The following ECE1 variants were observed in gnomAD, a reference collection of about 807,000 sequenced individuals.
The protein encoded by ECE1 is endothelin converting enzyme 1.
A neutral mutation model predicts 98.6 loss-of-function variants in ECE1; 35 were observed. That is an observed-to-expected ratio of 0.35 (90% CI 0.27 to 0.47). The LOEUF (loss-of-function observed/expected upper bound fraction) is 0.47. ECE1 is among the 20% of genes least tolerant of loss of function. The pLI is 1.00. For synonymous variants in ECE1, 394 were observed against 407.1 expected (o/e 0.97, Z 0.39); for missense variants, 814 against 1,025.3 (o/e 0.79, Z 2.81).
rs539327494 is a variant in ECE1, at chr1:21,284,225, G to A, written c.139-4893C>T. Among the ~76,000 whole-genome samples, 5 of 152,302 alleles carry A rather than the reference G, an allele frequency of 3.3e-5. No homozygotes were observed. In the South Asian group the frequency reaches 6.2e-4, roughly 19 times the overall value. ...TGGGGAGATGTGACTGGTTTCTTACGTTTCTTTTGGAAATGAGGTCCCGTC... is the reference window on the plus strand; with the variant it reads ...TGGGGAGATGTGACTGGTTTCTTACATTTCTTTTGGAAATGAGGTCCCGTC... On this transcript the variant is annotated intron_variant, in intron 2 of 18. Coordinates refer to ENST00000374893, the MANE Select transcript of ECE1 (RefSeq NM_001397.3).
At chr1:21,255,466 G>A (rs1168108379) in intron 8 of ECE1, among the ~76,000 whole-genome samples, 2 of 152,210 alleles carry the variant, frequency 1.3e-5, no homozygotes, top group African/African-American at 4.8e-5. Flanking sequence ...CAGATCTAAC[G>A]CCCTGTTGTA....
intron 1 of ECE1, among the ~76,000 whole-genome samples, chr1:21,344,508 G>A (rs1330900385): frequency 4.6e-5 from 7 of 152,214 alleles, no homozygotes; most frequent in Admixed American, 1.3e-4. Flanking sequence ...GCCGGCACCC[G>A]GCCCTGGACA....
intron 1 of ECE1, among the ~76,000 whole-genome samples, chr1:21,344,734 G>A (rs1434642813): frequency 6.6e-6 from 1 of 152,186 alleles, no homozygotes; most frequent in Non-Finnish European, 1.5e-5. Context: ...ACCCATCACC[G>A]GGAGATGCTG....
chr1:21,232,902 C>T (rs1224973763), intron 14 of ECE1, among the ~76,000 whole-genome samples: 2 of 152,058 alleles, frequency 1.3e-5, no homozygotes, highest in Non-Finnish European at 2.9e-5. Context: ...TGGTCTCAAA[C>T]TCCTGGGTTC....
At chr1:21,245,920 T>G (rs917308729) in intron 9 of ECE1, among the ~76,000 whole-genome samples, 1 of 152,108 alleles carries the variant, frequency 6.6e-6, no homozygotes, top group Non-Finnish European at 1.5e-5. Context: ...CCCCATGCTT[T>G]CTCTCTACAT....
At chr1:21,312,830 A>T (rs1489852997) in intron 1 of ECE1, among the ~76,000 whole-genome samples, 1 of 152,042 alleles carries the variant, frequency 6.6e-6, no homozygotes, top group Non-Finnish European at 1.5e-5. Context: ...GTTTATCATT[A>T]AAAAAACAAA....
intron 14 of ECE1, among the ~76,000 whole-genome samples, chr1:21,229,181 CTT>C (rs961580678): frequency 6.9e-6 from 1 of 145,906 alleles, no homozygotes; most frequent in East Asian, 2.0e-4. Flanking sequence ...GAATACAAGA[CTT>C]TTTTTTTTTT....
At position 21,233,430 on chromosome 1, in the gene ECE1, A is replaced by G. The variant is rs1291702309; in HGVS notation, c.1670+128T>C. On this transcript the variant is annotated intron_variant, in intron 14 of 18. Coordinates refer to ENST00000374893, the MANE Select transcript of ECE1 (RefSeq NM_001397.3). This position sits in a 1 kb window ranked among gnomAD's most constrained non-coding sequence, Gnocchi z 4.0. Reference sequence around the variant, plus strand: ...GAAAAGTGGGATAACAAGGGCATCCACTCTTCAGACGGCTCTCGTGATAGC... The same window carrying G: ...GAAAAGTGGGATAACAAGGGCATCCGCTCTTCAGACGGCTCTCGTGATAGC... 1 of 780,646 alleles carries G rather than the reference A, an allele frequency of 1.3e-6. No homozygotes were observed. The highest frequency in any genetic ancestry group is 1.7e-5 in the African/African-American group (1 of 57,306). The allele number at this position is 780,646 out of a possible 1,614,324, so 48.4% of individuals were successfully genotyped here.
At chr1:21,330,809 C>T (rs897853226) in intron 1 of ECE1, among the ~76,000 whole-genome samples, 12 of 152,278 alleles carry the variant, frequency 7.9e-5, no homozygotes, top group East Asian at 3.9e-4. Flanking sequence ...GGTCCCTATC[C>T]GCTCACCCCT....
chr1:21,250,308 G>T (rs918129420), intron 8 of ECE1, among the ~76,000 whole-genome samples: 8 of 152,118 alleles, frequency 5.3e-5, no homozygotes, highest in African/African-American at 1.7e-4. Flanking sequence ...TTCTGCTCTT[G>T]TTCTATTTTC....
At chr1:21,289,670 C>T (rs1020113763) in intron 2 of ECE1, among the ~76,000 whole-genome samples, 3 of 152,100 alleles carry the variant, frequency 2.0e-5, no homozygotes, top group African/African-American at 7.2e-5. Flanking sequence ...GGATGCAGGG[C>T]TTTCCACGCT....
At chr1:21,239,482 C>G (rs2098193019) in intron 10 of ECE1, among the ~76,000 whole-genome samples, 1 of 152,244 alleles carries the variant, frequency 6.6e-6, no homozygotes, top group South Asian at 2.1e-4. Context: ...AAATGCCCAT[C>G]AGCAGGCAGA....
At chr1:21,226,729 T>C (rs753901194) in intron 16 of ECE1, among the ~76,000 whole-genome samples, 5 of 152,140 alleles carry the variant, frequency 3.3e-5, no homozygotes, top group Non-Finnish European at 7.3e-5. Context: ...ACAATTTTAT[T>C]TTATTTTATT....
chr1:21,221,106 C>T (rs535152208), intron 18 of ECE1, among the ~76,000 whole-genome samples: 4 of 152,332 alleles, frequency 2.6e-5, no homozygotes, highest in Admixed American at 2.0e-4. Context: ...AACAAATTGT[C>T]TAATGGCCTG....
intron 1 of ECE1, among the ~76,000 whole-genome samples, chr1:21,316,491 C>T (rs934559310): frequency 2.6e-5 from 4 of 152,026 alleles, no homozygotes; most frequent in African/African-American, 9.7e-5. Context: ...CCAGGCTGAT[C>T]TCGAACTCCT....
chr1:21,254,179 A>G (rs574014633), intron 8 of ECE1, among the ~76,000 whole-genome samples: 182 of 152,028 alleles, frequency 1.2e-3, no homozygotes, highest in African/African-American at 4.3e-3. Context: ...AGCCAAGCCC[A>G]TTTTACAAGG....
At position 21,345,254 on chromosome 1, in the gene ECE1, T is replaced by G; in HGVS notation, c.3+122A>C. On this transcript the variant is annotated intron_variant, in intron 1 of 18. Transcript: ENST00000415912. This position sits in a 1 kb window ranked among gnomAD's most constrained non-coding sequence, Gnocchi z 5.1. ...CTTCCGAGAGCCGGGCGGGGGCTGC[T>G]GCTGCAGCCGGCGCCCAGCCCCCCG... is the stretch of plus-strand genomic sequence containing the variant. 1 of 1,167,342 alleles carries G rather than the reference T, an allele frequency of 8.6e-7. No homozygotes were observed. Among genetic ancestry groups the G allele is most frequent in the Non-Finnish European group, 1.1e-6 (1 of 944,174 alleles). The allele number at this position is 1,167,342 out of a possible 1,614,324, so 72.3% of individuals were successfully genotyped here. A position where few individuals can be genotyped will look rare whatever the true frequency, so the allele number is the denominator to read the frequency against.
chr1:21,247,046 G>A (rs920713961), intron 9 of ECE1, among the ~76,000 whole-genome samples, 175 bp downstream of exon 9: 18 of 152,222 alleles, frequency 1.2e-4, no homozygotes, highest in African/African-American at 4.1e-4. Flanking sequence ...CTGGTAGTTT[G>A]AAAGAGGCTG....
chr1:21,317,826 A>G (rs1281304305), intron 1 of ECE1, among the ~76,000 whole-genome samples: 1 of 152,210 alleles, frequency 6.6e-6, no homozygotes, highest in Non-Finnish European at 1.5e-5. Flanking sequence ...GCAGGCTCAG[A>G]CAGGTCATGT....
Sources: gnomAD v4.1 joint callset for allele counts (sites outside exome capture counted in the v4.1 genomes callset) on GRCh38, gnomAD v4.1.1 for gene constraint, Gnocchi (gnomAD v3.1) non-coding constraint, MANE v1.5 for transcripts, NCBI Gene and HGNC (gene_info 2026-07-23, HGNC 2026-07-21) for gene names.